ATG13: variants seen among roughly 807,000 people sequenced by gnomAD.
ATG13 encodes autophagy related 13, also known as autophagy-related protein 13.
ATG13 carries 23 observed loss-of-function variants against 65.5 expected under a neutral mutation model. The observed-to-expected ratio is 0.35, with a 90% CI of 0.25 to 0.50. The LOEUF (loss-of-function observed/expected upper bound fraction) is 0.50, where lower values mean the gene tolerates loss of function less well. Among genes scored for constraint, ATG13 ranks in the 20% least tolerant of loss-of-function variants. ATG13 has a pLI of 0.98. For missense variants in ATG13, 566 were observed against 677.0 expected (o/e 0.84, Z 1.82); for synonymous variants, 252 against 245.2 (o/e 1.03, Z -0.26).
intron 2 of ATG13, among the ~76,000 whole-genome samples, chr11:46,637,138 G>T (rs1012678399): frequency 4.6e-5 from 7 of 152,076 alleles, no homozygotes; most frequent in Admixed American, 2.0e-4. Flanking sequence ...GAACTATAGG[G>T]GTTCACTATT....
intron 1 of ATG13, among the ~76,000 whole-genome samples, chr11:46,623,035 C>T (rs1591411429): frequency 6.6e-6 from 1 of 152,248 alleles, no homozygotes; most frequent in Non-Finnish European, 1.5e-5. Context: ...TGGCTCATGC[C>T]TGTAATCCCA....
intron 1 of ATG13, among the ~76,000 whole-genome samples, chr11:46,620,415 G>A (rs1206471107): frequency 6.6e-6 from 1 of 151,828 alleles, no homozygotes; most frequent in East Asian, 2.0e-4. Flanking sequence ...TCTTATCCTG[G>A]TATTTTTTTG....
chr11:46,659,410 T>G lies in ATG13; in HGVS notation c.714T>G (p.Thr238=), dbSNP rs756327954. Residue 238 remains threonine (T), a synonymous_variant, in exon 11 of 19, where the codon ACT becomes ACG. Transcript: ENST00000683050. ...ACTTTAGAACTGCTGGTGAGGACAC[T>G]GGAGTAATATACCCGTCTGTAGAAG... ...PCNYRTAGED[T]GVIYPSVEDS... is the part of the protein sequence containing the mutation. 1.9e-6 allele frequency: 3 copies of G among 1,613,698 alleles called. No homozygotes were observed. Among genetic ancestry groups the G allele is most frequent in the Non-Finnish European group, 2.5e-6 (3 of 1,179,588 alleles).
At chr11:46,669,586 T>C in intron 18 of ATG13, 54 bp downstream of exon 18, 1 of 1,600,010 alleles carries the variant, frequency 6.2e-7, no homozygotes, top group Non-Finnish European at 8.5e-7. Flanking sequence ...GGTCATTCCT[T>C]TGCCAAAGGC....
At chr11:46,631,143 A>G (rs777181164) in intron 2 of ATG13, among the ~76,000 whole-genome samples, 7 of 152,156 alleles carry the variant, frequency 4.6e-5, no homozygotes, top group Non-Finnish European at 1.0e-4. Context: ...ATTTAGATAA[A>G]TATGTCTTAT....
At chr11:46,639,132 C>T (rs572757965) in intron 2 of ATG13, among the ~76,000 whole-genome samples, 3 of 152,194 alleles carry the variant, frequency 2.0e-5, no homozygotes, top group South Asian at 2.1e-4. Context: ...GGACTGCAGG[C>T]GCCACAACCA....
intron 2 of ATG13, among the ~76,000 whole-genome samples, chr11:46,643,649 C>T (rs2056784348): frequency 6.7e-6 from 1 of 149,030 alleles, no homozygotes; most frequent in Admixed American, 6.7e-5. Context: ...CCGGGTCTCA[C>T]CATGTTGATC....
chr11:46,671,812 G>A (rs2063794730), intron 18 of ATG13, among the ~76,000 whole-genome samples: 1 of 152,232 alleles, frequency 6.6e-6, no homozygotes, highest in Admixed American at 6.5e-5. Context: ...AATGTCAGTA[G>A]TATAGTGGGG....
At chr11:46,641,235 C>A (rs898213796) in intron 2 of ATG13, among the ~76,000 whole-genome samples, 4 of 152,150 alleles carry the variant, frequency 2.6e-5, no homozygotes, top group Non-Finnish European at 5.9e-5. Context: ...TCACACCCAG[C>A]TAATTTTTGT....
At chr11:46,658,869 AAAT>A (rs1768457713) in intron 10 of ATG13, among the ~76,000 whole-genome samples, 1 of 152,122 alleles carries the variant, frequency 6.6e-6, no homozygotes. Context: ...ATGCTCTCTC[AAAT>A]AATAGGTCAG....
intron 1 of ATG13, among the ~76,000 whole-genome samples, chr11:46,626,993 A>G (rs761483408): frequency 1.5e-4 from 23 of 152,198 alleles, no homozygotes; most frequent in Non-Finnish European, 3.2e-4. Context: ...TAATCCCAGC[A>G]CTGTGGAAAG....
intron 2 of ATG13, among the ~76,000 whole-genome samples, chr11:46,636,557 CAAAAA>C (rs374517009): frequency 1.3e-4 from 6 of 47,302 alleles, no homozygotes; most frequent in East Asian, 1.4e-3. Context: ...GACTCCGTCT[CAAAAA>C]AAAAAAAAAA....
intron 11 of ATG13, 115 bp downstream of exon 11, chr11:46,659,600 A>T (rs2060740521): frequency 1.2e-6 from 1 of 808,838 alleles, no homozygotes; most frequent in Non-Finnish European, 2.0e-6. Context: ...GATTGTTTCA[A>T]AGGGGTTACT....
At position 46,617,765 on chromosome 11, in the gene ATG13, G is replaced by GCGA; in HGVS notation, c.-192_-190dup. 2 of 399,018 alleles carry GCGA rather than the reference G, an allele frequency of 5.0e-6. No homozygotes were observed. The highest frequency in any genetic ancestry group is 8.8e-6 in the Non-Finnish European group (2 of 226,082). 24.7% of individuals were successfully genotyped at this position (399,018 alleles called of 1,614,324 possible). On this transcript the variant is annotated 5_prime_UTR_variant, in exon 1 of 19. Transcript: ENST00000683050. ...CTTCTGAAGCCTTAGGTGTCTATCG[G>GCGA]CGACGTGTACGGTCACTGCAGCTCC...
chr11:46,670,658 A>C (rs2063506392), intron 18 of ATG13, among the ~76,000 whole-genome samples: 2 of 151,880 alleles, frequency 1.3e-5, no homozygotes, highest in African/African-American at 4.8e-5. Context: ...AGTACAAAAA[A>C]TTAGCTGGGC....
Position 46,659,371 on chromosome 11 carries a change from A to C in ATG13, c.696-21A>C, listed in dbSNP as rs377321014. ...GACTGCCACCACCATAAAATTCATT[A>C]TTTCTTTCTTTTCACTTTAGAACTG... On this transcript the variant is annotated intron_variant, in intron 10 of 18. Coordinates refer to ENST00000683050, the MANE Select transcript of ATG13 (RefSeq NM_001346311.2). 3.8e-6 allele frequency: 6 copies of C among 1,583,256 alleles called. No individual in the cohort carries two copies. In the African/African-American group the frequency reaches 5.4e-5, roughly 14 times the overall value.
chr11:46,672,923 G>A lies in ATG13; in HGVS notation c.*591G>A, dbSNP rs777018788. On this transcript the variant is annotated 3_prime_UTR_variant, in exon 19 of 19. Transcript: ENST00000683050. Reference sequence around the variant, plus strand: ...CAATATGACAGGCCTGCCTACCCAAGATCAGAACTCCAAAACCACTCCCAC... The same window carrying A: ...CAATATGACAGGCCTGCCTACCCAAAATCAGAACTCCAAAACCACTCCCAC... The A allele has an allele frequency of 7.8e-5, 64 of 824,956 alleles. No homozygotes were observed. The highest frequency in any genetic ancestry group is 9.9e-5 in the Non-Finnish European group (61 of 613,690). The allele number at this position is 824,956 out of a possible 1,614,324, so 51.1% of individuals were successfully genotyped here.
At chr11:46,627,636 AATTTTTTT>A (rs1400620990) in intron 1 of ATG13, among the ~76,000 whole-genome samples, 3 of 151,656 alleles carry the variant, frequency 2.0e-5, no homozygotes, top group Non-Finnish European at 4.4e-5. Context: ...ATGCCTGGCT[AATTTTTTT>A]ATTTTTTTAT....
chr11:46,654,418 G>C (rs2059607171), intron 7 of ATG13, among the ~76,000 whole-genome samples: 1 of 146,152 alleles, frequency 6.8e-6, no homozygotes, highest in Admixed American at 6.8e-5. Flanking sequence ...AGACTGAAGT[G>C]GGAGAATAAT....
Sources: gnomAD v4.1 joint callset for allele counts (sites outside exome capture counted in the v4.1 genomes callset) on GRCh38, gnomAD v4.1.1 for gene constraint, MANE v1.5 for transcripts, NCBI Gene and HGNC (gene_info 2026-07-23, HGNC 2026-07-21) for gene names.